Variants in KDM4B observed in about 807,000 individuals in gnomAD.
KDM4B encodes the protein lysine-specific demethylase 4B.
In KDM4B, 32 loss-of-function variants were observed where a neutral mutation model predicts 125.2. That is an observed-to-expected ratio of 0.26 (90% confidence interval 0.19 to 0.34). The LOEUF (loss-of-function observed/expected upper bound fraction) is 0.34, where lower values mean the gene tolerates loss of function less well. Ranked by LOEUF, KDM4B falls within the 10% of genes least tolerant of loss-of-function variation. The pLI is 1.00. For missense variants in KDM4B, 1,190 were observed against 1,577.7 expected (o/e 0.75, Z 4.16); for synonymous variants, 721 against 677.9 (o/e 1.06, Z -0.99).
chr19:5,079,928 G>T (rs1233394654), intron 8 of KDM4B, among the ~76,000 whole-genome samples: 2 of 152,068 alleles, frequency 1.3e-5, no homozygotes, highest in Admixed American at 6.5e-5. Context: ...TCATTTCACG[G>T]AGCTCCCAGC....
At chr19:4,991,835 T>C (rs957588478) in intron 1 of KDM4B, among the ~76,000 whole-genome samples, 1 of 152,254 alleles carries the variant, frequency 6.6e-6, no homozygotes, top group Admixed American at 6.5e-5. Flanking sequence ...GAGAATGTTA[T>C]GTAGATGGAA....
chr19:4,976,200 G>A (rs2034438885), intron 1 of KDM4B, among the ~76,000 whole-genome samples: 1 of 144,956 alleles, frequency 6.9e-6, no homozygotes, highest in Admixed American at 7.1e-5. Flanking sequence ...AGTGAGCTGA[G>A]ATCACGTCAC....
chr19:5,065,862 A>C (rs927854042), intron 6 of KDM4B, among the ~76,000 whole-genome samples: 2 of 152,208 alleles, frequency 1.3e-5, no homozygotes, highest in Admixed American at 6.5e-5. Flanking sequence ...CGAGCAGAAG[A>C]AGCAAGGCTG....
In KDM4B at chr19:5,113,657, G is replaced by A. The variant is rs569902911; in HGVS notation, c.1115+2839G>A. Among the ~76,000 whole-genome samples, 2 of 152,258 alleles carry A rather than the reference G, an allele frequency of 1.3e-5. 1 individual carries two copies. Among genetic ancestry groups the A allele is most frequent in the African/African-American group, 4.8e-5 (2 of 41,554 alleles). On this transcript the variant is annotated intron_variant, in intron 10 of 22. Coordinates refer to ENST00000159111, the MANE Select transcript of KDM4B (RefSeq NM_015015.3). Reference sequence around the variant, plus strand: ...CTTCTCTGGTTGGGGGAGCATCCTGGGCCCTGCAGGGTAATGAGCAGTATC... The same window carrying A: ...CTTCTCTGGTTGGGGGAGCATCCTGAGCCCTGCAGGGTAATGAGCAGTATC...
At chr19:5,084,448 TATA>T (rs1341151722) in intron 9 of KDM4B, among the ~76,000 whole-genome samples, 56 of 136,948 alleles carry the variant, frequency 4.1e-4, no homozygotes, top group Middle Eastern at 7.2e-3. Context: ...TTATATATGT[TATA>T]ATAATTTATA....
rs2038318424 is a variant in KDM4B, at chr19:5,082,166, T to G, written c.781-201T>G. Among the ~76,000 whole-genome samples the G allele has an allele frequency of 6.6e-6, 1 of 152,212 alleles. No homozygotes were observed. The highest frequency in any genetic ancestry group is 2.4e-5 in the African/African-American group (1 of 41,464). ...GAGGTTGCAGAGCTGTGGCTGCGGC[T>G]GCTCACTATGTCCTTCATGAGCCGC... On this transcript the variant is annotated intron_variant, in intron 8 of 22. Transcript: ENST00000159111. This position sits in a 1 kb window ranked among gnomAD's most constrained non-coding sequence, Gnocchi z 5.4.
chr19:4,972,001 C>T lies in KDM4B; in HGVS notation c.-109+2771C>T, dbSNP rs145483676. ...CTGGTCACCGCCATGACAGATCGGCCGTCCTCATCCACAGCCTCACCCTAG... is the reference window on the plus strand; with the variant it reads ...CTGGTCACCGCCATGACAGATCGGCTGTCCTCATCCACAGCCTCACCCTAG... On this transcript the variant is annotated intron_variant, in intron 1 of 22. Transcript: ENST00000159111. Among the ~76,000 whole-genome samples the T allele has an allele frequency of 1.3e-3, 204 of 152,276 alleles. 1 individual carries two copies. The highest frequency in any genetic ancestry group is 4.5e-3 in the African/African-American group (187 of 41,554).
At chr19:5,144,986 C>T in intron 21 of KDM4B, 84 bp downstream of exon 21, 5 of 1,573,546 alleles carry the variant, frequency 3.2e-6, no homozygotes, top group Non-Finnish European at 4.3e-6. Flanking sequence ...CACCCCTGGC[C>T]CAGGTGCCTT....
chr19:5,001,556 A>G (rs2035385889), intron 1 of KDM4B, among the ~76,000 whole-genome samples: 1 of 152,192 alleles, frequency 6.6e-6, no homozygotes, highest in Non-Finnish European at 1.5e-5. Flanking sequence ...AACCTGGTGT[A>G]TATGGATTTT....
chr19:5,034,976 A>G (rs2036572939), intron 3 of KDM4B, among the ~76,000 whole-genome samples: 2 of 152,156 alleles, frequency 1.3e-5, no homozygotes, highest in Non-Finnish European at 2.9e-5. Flanking sequence ...ACAGGTGTGC[A>G]CCACCAAGCT....
chr19:4,973,853 G>T (rs1331334106), intron 1 of KDM4B, among the ~76,000 whole-genome samples: 1 of 151,962 alleles, frequency 6.6e-6, no homozygotes, highest in African/African-American at 2.4e-5. Context: ...AAACTGGCTG[G>T]GTGCGGTGGC....
intron 5 of KDM4B, among the ~76,000 whole-genome samples, chr19:5,042,392 C>T (rs556226344): frequency 3.2e-4 from 48 of 151,792 alleles, no homozygotes; most frequent in Non-Finnish European, 6.5e-4. Flanking sequence ...CCCGGCTACT[C>T]GGGAGGCTGA....
intron 6 of KDM4B, among the ~76,000 whole-genome samples, chr19:5,069,233 T>C (rs1023924476): frequency 3.3e-5 from 5 of 152,226 alleles, no homozygotes; most frequent in African/African-American, 1.2e-4. Flanking sequence ...ATTTGTGTCC[T>C]GTTAGATTAG....
chr19:5,089,731 C>T (rs1405064308), intron 9 of KDM4B, among the ~76,000 whole-genome samples: 1 of 150,910 alleles, frequency 6.6e-6, no homozygotes, highest in Non-Finnish European at 1.5e-5. Context: ...ACTCCTCTTT[C>T]CATAGTCAGA....
intron 1 of KDM4B, among the ~76,000 whole-genome samples, chr19:4,980,120 C>T (rs531657264): frequency 1.3e-5 from 2 of 149,566 alleles, no homozygotes; most frequent in Non-Finnish European, 3.0e-5. Context: ...AAAAAAGATA[C>T]AATTTAGTGG....
intron 1 of KDM4B, among the ~76,000 whole-genome samples, chr19:5,010,492 C>G (rs760051499): frequency 2.6e-5 from 4 of 152,118 alleles, no homozygotes; most frequent in Non-Finnish European, 4.4e-5. Context: ...TTTTGCTCAC[C>G]AATTTTTACA....
At chr19:5,037,526 A>G (rs543668555) in intron 3 of KDM4B, among the ~76,000 whole-genome samples, 37 of 152,294 alleles carry the variant, frequency 2.4e-4, no homozygotes, top group Admixed American at 7.2e-4. Context: ...CGCCTTTTGC[A>G]CTGTGGCCAT....
intron 5 of KDM4B, among the ~76,000 whole-genome samples, chr19:5,044,438 G>A (rs2036959177): frequency 2.0e-5 from 3 of 152,086 alleles, no homozygotes; most frequent in Admixed American, 2.0e-4. Flanking sequence ...TCGGAGTGGG[G>A]GTGTCCACCT....
chr19:5,005,218 ATGT>A (rs571198615), intron 1 of KDM4B, among the ~76,000 whole-genome samples: 24 of 152,204 alleles, frequency 1.6e-4, no homozygotes, highest in Admixed American at 1.4e-3. Context: ...GCCTGTGGAG[ATGT>A]TGGTGGCCAG....
Sources: allele counts gnomAD v4.1 joint callset (sites outside exome capture counted in the v4.1 genomes callset), GRCh38; gene constraint gnomAD v4.1.1; non-coding constraint Gnocchi (gnomAD v3.1); transcripts MANE v1.5; gene names NCBI Gene and HGNC (gene_info 2026-07-23, HGNC 2026-07-21).